The following SLC24A2 variants were observed in gnomAD, a reference collection of about 807,000 sequenced individuals.
The protein encoded by SLC24A2 is solute carrier family 24 member 2, also known as sodium/potassium/calcium exchanger 2.
A neutral mutation model predicts 62.0 loss-of-function variants in SLC24A2; 36 were observed. The ratio of observed to expected loss-of-function variants is 0.58; its 90% CI spans 0.44 to 0.77. SLC24A2 has a LOEUF of 0.77. Among genes scored for constraint, SLC24A2 ranks in the 30% least tolerant of loss-of-function variants. The probability of loss-of-function intolerance (pLI) is 0.00; values close to 1 mark genes in which losing one functional copy is unlikely to be tolerated. For missense variants in SLC24A2, 846 were observed against 817.9 expected (o/e 1.03, Z -0.42); for synonymous variants, 358 against 294.0 (o/e 1.22, Z -2.23).
chr9:19,948,642 GGTCAGGAGATCGAGA>G, the SLC24A2 span, among the ~76,000 whole-genome samples: 2 of 151,902 alleles, frequency 1.3e-5, no homozygotes, highest in Non-Finnish European at 2.9e-5. Context: ...CGGATCACGA[GGTCAGGAGATCGAGA>G]CCACGGTGAA....
intron 9 of SLC24A2, among the ~76,000 whole-genome samples, chr9:19,521,491 A>G (rs1833197743): frequency 6.6e-6 from 1 of 152,194 alleles, no homozygotes; most frequent in Non-Finnish European, 1.5e-5. Context: ...CAGGGTCTCC[A>G]TTCTCCTTTA....
chr9:20,123,098 C>T, the SLC24A2 span, among the ~76,000 whole-genome samples: 7 of 152,092 alleles, frequency 4.6e-5, no homozygotes, highest in Non-Finnish European at 8.8e-5. Context: ...TTTCACAGTT[C>T]TAGAGGCTAG....
the SLC24A2 span, among the ~76,000 whole-genome samples, chr9:20,248,876 T>C: frequency 6.6e-6 from 1 of 151,744 alleles, no homozygotes; most frequent in Non-Finnish European, 1.5e-5. Flanking sequence ...AATAAGAGAG[T>C]CTCTAAATAG....
the SLC24A2 span, among the ~76,000 whole-genome samples, chr9:20,131,978 T>C: frequency 4.6e-5 from 7 of 152,178 alleles, no homozygotes; most frequent in South Asian, 4.1e-4. Flanking sequence ...ATTGTTGTGC[T>C]ACATAACTGA....
chr9:19,865,987 A>G, the SLC24A2 span, among the ~76,000 whole-genome samples: 5 of 152,236 alleles, frequency 3.3e-5, no homozygotes, highest in Non-Finnish European at 7.4e-5. Context: ...AGGAGTGCAA[A>G]CAGCTCTATT....
At chr9:19,581,173 G>C (rs1022958411) in intron 5 of SLC24A2, among the ~76,000 whole-genome samples, 1 of 152,162 alleles carries the variant, frequency 6.6e-6, no homozygotes, top group African/African-American at 2.4e-5. Flanking sequence ...TAAGCATACA[G>C]GGCCTTGTTG....
chr9:19,930,974 T>C, the SLC24A2 span, among the ~76,000 whole-genome samples: 13 of 152,338 alleles, frequency 8.5e-5, no homozygotes, highest in South Asian at 2.1e-4. Flanking sequence ...TGCTTCCATA[T>C]AGGATTGGCA....
chr9:20,229,871 C>T, the SLC24A2 span, among the ~76,000 whole-genome samples: 3 of 150,978 alleles, frequency 2.0e-5, no homozygotes, highest in East Asian at 1.9e-4. Flanking sequence ...GTCCTAATGC[C>T]ATCCCTCCCC....
the SLC24A2 span, among the ~76,000 whole-genome samples, chr9:19,984,198 T>A: frequency 6.6e-6 from 1 of 152,102 alleles, no homozygotes; most frequent in African/African-American, 2.4e-5. Context: ...ACAATCTCTA[T>A]CAAAATTCCA....
At position 19,703,835 on chromosome 9, in the gene SLC24A2, A is replaced by G. The variant is rs528004784; in HGVS notation, c.931-81536T>C. Reference sequence around the variant, plus strand: ...GCTATGAAGTATGTAATCATAGCACATAAGAATGAATCACTATTTTGTAAT... The same window carrying G: ...GCTATGAAGTATGTAATCATAGCACGTAAGAATGAATCACTATTTTGTAAT... On this transcript the variant is annotated intron_variant, in intron 2 of 10. Coordinates refer to ENST00000341998, the MANE Select transcript of SLC24A2 (RefSeq NM_020344.4). Among the ~76,000 whole-genome samples, 4 of 152,354 alleles carry G rather than the reference A, an allele frequency of 2.6e-5. No individual in the cohort carries two copies. In the East Asian group the frequency reaches 7.7e-4, roughly 29 times the overall value.
chr9:19,713,579 T>C (rs543232747), intron 2 of SLC24A2, among the ~76,000 whole-genome samples: 1 of 151,678 alleles, frequency 6.6e-6, no homozygotes, highest in South Asian at 2.1e-4. Context: ...TGATGTCTAT[T>C]TGCCTTTGAG....
intron 2 of SLC24A2, among the ~76,000 whole-genome samples, chr9:19,758,541 A>G (rs12001512): frequency 0.5 from 76,713 of 152,040 alleles, 19,738 homozygotes; most frequent in East Asian, 0.72. Flanking sequence ...AACAAACAAA[A>G]AAAACCCCCT....
At chr9:19,723,823 C>T (rs1168443839) in intron 2 of SLC24A2, among the ~76,000 whole-genome samples, 2 of 151,982 alleles carry the variant, frequency 1.3e-5, no homozygotes, top group Admixed American at 6.6e-5. Flanking sequence ...CTACATCATA[C>T]TTCAGGACAG....
At chr9:20,126,126 G>C in the SLC24A2 span, among the ~76,000 whole-genome samples, 2 of 152,282 alleles carry the variant, frequency 1.3e-5, no homozygotes, top group East Asian at 3.9e-4. Flanking sequence ...TTGCAGGAGA[G>C]ATGATCGGTG....
the SLC24A2 span, among the ~76,000 whole-genome samples, chr9:20,132,531 A>G: frequency 2.0e-5 from 3 of 152,098 alleles, no homozygotes. Context: ...TGTTTTAACC[A>G]TTATCTCAAA....
At chr9:20,191,364 A>G in the SLC24A2 span, among the ~76,000 whole-genome samples, 1 of 152,064 alleles carries the variant, frequency 6.6e-6, no homozygotes, top group African/African-American at 2.4e-5. Context: ...ATCCTGATTC[A>G]CTTTTTCCTA....
the SLC24A2 span, among the ~76,000 whole-genome samples, chr9:20,116,906 G>C: frequency 6.6e-6 from 1 of 152,202 alleles, no homozygotes; most frequent in South Asian, 2.1e-4. Flanking sequence ...CCACAGTCAG[G>C]TTAAGCCCTG....
chr9:20,294,201 A>G, the SLC24A2 span, among the ~76,000 whole-genome samples: 1 of 152,248 alleles, frequency 6.6e-6, no homozygotes, highest in South Asian at 2.1e-4. Flanking sequence ...CCATATCTGT[A>G]GGCTGCACCC....
At chr9:19,537,038 T>C (rs1315526171) in intron 8 of SLC24A2, among the ~76,000 whole-genome samples, 1 of 149,300 alleles carries the variant, frequency 6.7e-6, no homozygotes, top group Non-Finnish European at 1.5e-5. Flanking sequence ...TGCCCACTTT[T>C]TGATGGGGTT....
Sources: gnomAD v4.1 joint callset for allele counts (sites outside exome capture counted in the v4.1 genomes callset) on GRCh38, gnomAD v4.1.1 for gene constraint, MANE v1.5 for transcripts, NCBI Gene and HGNC (gene_info 2026-07-23, HGNC 2026-07-21) for gene names.